The following MSI2 variants were observed in gnomAD, a reference collection of about 807,000 sequenced individuals.
MSI2 encodes RNA-binding protein Musashi homolog 2.
In MSI2, 17 loss-of-function variants were observed where a neutral mutation model predicts 45.6. The ratio of observed to expected loss-of-function variants is 0.37; its 90% confidence interval spans 0.26 to 0.56. The LOEUF (loss-of-function observed/expected upper bound fraction) is 0.56. Ranked by LOEUF, MSI2 falls within the 20% of genes least tolerant of loss-of-function variation. The pLI, the probability that MSI2 is intolerant of heterozygous loss-of-function variation, is 0.77. For missense variants in MSI2, 293 were observed against 444.2 expected (o/e 0.66, Z 3.06); for synonymous variants, 156 against 158.2 (o/e 0.99, Z 0.11).
the MSI2 span, among the ~76,000 whole-genome samples, chr17:57,699,425 T>C: frequency 6.6e-6 from 1 of 151,938 alleles, no homozygotes; most frequent in East Asian, 2.0e-4. Context: ...ATCCTCCCTT[T>C]CAGAATCTTG....
At chr17:57,352,896 C>G (rs992947876) in intron 5 of MSI2, among the ~76,000 whole-genome samples, 1 of 152,138 alleles carries the variant, frequency 6.6e-6, no homozygotes, top group East Asian at 1.9e-4. Context: ...TTTCACAGGG[C>G]GGTGTTAAGG....
At chr17:57,571,612 T>C (rs1490205704) in intron 7 of MSI2, among the ~76,000 whole-genome samples, 3 of 152,244 alleles carry the variant, frequency 2.0e-5, no homozygotes, top group Non-Finnish European at 2.9e-5. Context: ...ATACTCCAGT[T>C]TCCTCTTGGG....
At chr17:57,597,080 G>A (rs565187552) in intron 8 of MSI2, 130 bp downstream of exon 8, 97 of 646,714 alleles carry the variant, frequency 1.5e-4, no homozygotes, top group South Asian at 5.7e-4. Flanking sequence ...GATGCTCGGG[G>A]TCCAGGCCTG....
intron 5 of MSI2, among the ~76,000 whole-genome samples, chr17:57,335,147 T>C (rs147431802): frequency 6.6e-6 from 1 of 152,196 alleles, no homozygotes; most frequent in Non-Finnish European, 1.5e-5. Context: ...TGTTGGTGTC[T>C]TCCCGAACCC....
At chr17:57,691,225 A>G in the MSI2 span, among the ~76,000 whole-genome samples, 1 of 149,800 alleles carries the variant, frequency 6.7e-6, no homozygotes, top group Non-Finnish European at 1.5e-5. Context: ...CTATCTATCT[A>G]TCTATCTATC....
intron 6 of MSI2, among the ~76,000 whole-genome samples, chr17:57,516,547 T>C (rs62058068): frequency 0.019 from 2,931 of 152,344 alleles, 45 homozygotes; most frequent in Middle Eastern, 0.031. Flanking sequence ...TAGTTATCAA[T>C]ACAAAGTCTG....
At chr17:57,396,570 G>C (rs1346482456) in intron 5 of MSI2, among the ~76,000 whole-genome samples, 1 of 152,228 alleles carries the variant, frequency 6.6e-6, no homozygotes, top group Admixed American at 6.5e-5. Context: ...TAGAGGCAGG[G>C]AGGTGGAGTG....
chr17:57,308,409 A>G (rs1430067752), intron 5 of MSI2, among the ~76,000 whole-genome samples: 2 of 152,200 alleles, frequency 1.3e-5, no homozygotes, highest in African/African-American at 4.8e-5. Context: ...TATAATATCT[A>G]TTTAAATCCC....
intron 5 of MSI2, among the ~76,000 whole-genome samples, chr17:57,331,598 G>A (rs765284462): frequency 9.2e-5 from 14 of 152,154 alleles, no homozygotes; most frequent in Non-Finnish European, 1.9e-4. Context: ...ACACATCTAT[G>A]CAGTATAGAC....
chr17:57,363,776 C>A (rs4793850), intron 5 of MSI2, among the ~76,000 whole-genome samples: 50 of 5,188 alleles, frequency 9.6e-3, no homozygotes, highest in Non-Finnish European at 0.014. Context: ...CAACAACAAA[C>A]AACAACAACA....
At chr17:57,309,089 G>A (rs1302548112) in intron 5 of MSI2, among the ~76,000 whole-genome samples, 1 of 152,218 alleles carries the variant, frequency 6.6e-6, no homozygotes, top group Non-Finnish European at 1.5e-5. Flanking sequence ...CTTCTTTGTA[G>A]TCTCAACGCA....
At chr17:57,472,526 A>C (rs2085457645) in intron 6 of MSI2, among the ~76,000 whole-genome samples, 1 of 152,138 alleles carries the variant, frequency 6.6e-6, no homozygotes, top group Non-Finnish European at 1.5e-5. Context: ...CCAGTGTCCT[A>C]GAGACTGGGG....
intron 6 of MSI2, among the ~76,000 whole-genome samples, chr17:57,425,451 A>G (rs913091601): frequency 3.3e-5 from 5 of 152,236 alleles, no homozygotes; most frequent in African/African-American, 1.2e-4. Flanking sequence ...CTGCACATAT[A>G]TAAACTACGG....
intron 6 of MSI2, chr17:57,522,811 A>C (rs1027287172): frequency 6.6e-6 from 1 of 152,242 alleles, no homozygotes; most frequent in East Asian, 1.9e-4. Context: ...CTGCCTCCCA[A>C]CACCTGCTGA....
chr17:57,554,205 A>C (rs928677340), intron 7 of MSI2, among the ~76,000 whole-genome samples: 6 of 149,316 alleles, frequency 4.0e-5, no homozygotes, highest in African/African-American at 1.5e-4. Flanking sequence ...ATTGCTAAGA[A>C]GAGTCCTTAG....
chr17:57,450,934 G>A (rs1231782922), intron 6 of MSI2, among the ~76,000 whole-genome samples: 1 of 152,110 alleles, frequency 6.6e-6, no homozygotes, highest in Non-Finnish European at 1.5e-5. Flanking sequence ...AGGAAGAGGG[G>A]AAGTTTGATG....
intron 7 of MSI2, among the ~76,000 whole-genome samples, chr17:57,554,173 C>T (rs1156817889): frequency 1.4e-5 from 2 of 146,290 alleles, no homozygotes; most frequent in South Asian, 2.1e-4. Flanking sequence ...CGGCAACAGG[C>T]GAAACAAGAA....
chr17:57,542,679 C>T (rs965499180), intron 7 of MSI2, among the ~76,000 whole-genome samples: 6 of 152,190 alleles, frequency 3.9e-5, no homozygotes, highest in African/African-American at 1.4e-4. Context: ...CCCCCTGGGT[C>T]ACATGACCTT....
intron 6 of MSI2, among the ~76,000 whole-genome samples, chr17:57,420,580 T>C (rs1293308827): frequency 2.0e-5 from 3 of 152,188 alleles, no homozygotes; most frequent in Admixed American, 2.0e-4. Context: ...CAGCCTGAAT[T>C]AGATTCCTCC....
Sources: allele counts gnomAD v4.1 joint callset (sites outside exome capture counted in the v4.1 genomes callset), GRCh38; gene constraint gnomAD v4.1.1; transcripts MANE v1.5; gene names NCBI Gene and HGNC (gene_info 2026-07-23, HGNC 2026-07-21).